Variants in SS18 observed in about 807,000 individuals in gnomAD.
The protein encoded by SS18 is protein SSXT.
Under a neutral mutation model 72.5 loss-of-function variants are expected in SS18, and 28 were observed. The observed-to-expected ratio is 0.39, with a 90% CI of 0.29 to 0.53. The LOEUF (loss-of-function observed/expected upper bound fraction) is 0.53, where lower values mean the gene tolerates loss of function less well. SS18 is among the 20% of genes least tolerant of loss of function. SS18 has a pLI of 0.76. For missense variants in SS18, 518 were observed against 535.3 expected, an observed-to-expected ratio of 0.97 and a Z score of 0.32; for synonymous variants, 172 against 164.2, an observed-to-expected ratio of 1.05 and a Z score of -0.37.
intron 5 of SS18, among the ~76,000 whole-genome samples, chr18:26,043,250 C>T (rs1386436614): frequency 6.6e-6 from 1 of 152,054 alleles, no homozygotes; most frequent in Non-Finnish European, 1.5e-5. Context: ...ACTATGTGTA[C>T]TTCCTCTCCA....
At chr18:26,074,766 T>A (rs923805143) in intron 3 of SS18, among the ~76,000 whole-genome samples, 2 of 151,904 alleles carry the variant, frequency 1.3e-5, no homozygotes, top group African/African-American at 4.8e-5. Context: ...ACCAAAAGGT[T>A]TGAAAAATGC....
chr18:26,090,670 C>T (rs548944550), upstream of SS18: 11 of 1,246,820 alleles, frequency 8.8e-6, no homozygotes, highest in African/African-American at 1.0e-4. Context: ...CTCGGGAATG[C>T]GGGGAGGGGG....
At chr18:26,034,938 C>A in intron 9 of SS18, 67 bp downstream of exon 9, 1 of 1,535,236 alleles carries the variant, frequency 6.5e-7, no homozygotes, top group Non-Finnish European at 8.8e-7. Flanking sequence ...ATTAAATATC[C>A]ACTTCCATAT....
chr18:26,056,396 T>C (rs929543001), intron 4 of SS18, among the ~76,000 whole-genome samples: 1 of 152,244 alleles, frequency 6.6e-6, no homozygotes, highest in South Asian at 2.1e-4. Flanking sequence ...AAGCTTTCTC[T>C]TGACTACAAT....
At chr18:26,073,286 T>C (rs2054348949) in intron 3 of SS18, among the ~76,000 whole-genome samples, 1 of 152,174 alleles carries the variant, frequency 6.6e-6, no homozygotes, top group South Asian at 2.1e-4. Context: ...AATATGAATA[T>C]ACTACATATC....
intron 10 of SS18, 122 bp downstream of exon 10, chr18:26,032,277 C>A: frequency 8.8e-7 from 1 of 1,141,208 alleles, no homozygotes; most frequent in Non-Finnish European, 1.3e-6. Context: ...AACAAATGTA[C>A]CATAAACATT....
intron 5 of SS18, among the ~76,000 whole-genome samples, chr18:26,042,371 T>A (rs1236087801): frequency 6.6e-6 from 1 of 152,200 alleles, no homozygotes; most frequent in Non-Finnish European, 1.5e-5. Flanking sequence ...CAAAGCGTGA[T>A]AATACATATG....
chr18:26,019,054 C>T (rs1359116161), intron 10 of SS18, among the ~76,000 whole-genome samples: 1 of 152,006 alleles, frequency 6.6e-6, no homozygotes, highest in African/African-American at 2.4e-5. Context: ...GGAATATAGA[C>T]AAAAGGGACA....
chr18:26,046,877 T>C (rs2143940437), intron 5 of SS18, among the ~76,000 whole-genome samples: 1 of 152,358 alleles, frequency 6.6e-6, no homozygotes, highest in East Asian at 1.9e-4. Flanking sequence ...TCACTTATCA[T>C]GACAGGCATC....
chr18:26,048,889 AGCTTGATGATTAGCC>A (rs938487605), intron 5 of SS18, among the ~76,000 whole-genome samples: 8 of 152,258 alleles, frequency 5.3e-5, no homozygotes, highest in African/African-American at 1.9e-4. Flanking sequence ...TTTTTAAAAA[AGCTTGATGATTAGCC>A]AACTGATTTT....
intron 3 of SS18, among the ~76,000 whole-genome samples, chr18:26,077,537 T>C (rs2054438533): frequency 6.6e-6 from 1 of 152,130 alleles, no homozygotes; most frequent in Admixed American, 6.5e-5. Flanking sequence ...GTGTACCTTG[T>C]TTGGATTCTG....
chr18:26,046,448 G>A (rs556446695), intron 5 of SS18, among the ~76,000 whole-genome samples: 1 of 152,170 alleles, frequency 6.6e-6, no homozygotes, highest in African/African-American at 2.4e-5. Context: ...ATATTTCCAA[G>A]AATTTCTTTA....
At position 26,072,354 on chromosome 18, in the gene SS18, T is replaced by TA. The variant is rs11339746; in HGVS notation, c.231+5721dup. On this transcript the variant is annotated intron_variant, in intron 3 of 10. Coordinates refer to ENST00000415083, the MANE Select transcript of SS18 (RefSeq NM_001007559.3). ...CAGCACTTTGATTGCTAGACTGAGT[T>TA]AAAAAAAAAAAAAAAAATCTACATC... 1.7e-3 allele frequency among the ~76,000 whole-genome samples: 233 copies of TA among 136,926 alleles called. 1 individual carries two copies. Among genetic ancestry groups the TA allele is most frequent in the East Asian group, 0.01 (49 of 4,768 alleles). The allele number at this position is 136,926 out of a possible 152,430, so 89.8% of individuals were successfully genotyped here.
At chr18:26,069,882 ATAAAT>A (rs2054283973) in intron 3 of SS18, among the ~76,000 whole-genome samples, 1 of 152,264 alleles carries the variant, frequency 6.6e-6, no homozygotes, top group East Asian at 1.9e-4. Context: ...ATGATAAAAA[ATAAAT>A]TAACAGTAAC....
intron 3 of SS18, chr18:26,068,417 T>C (rs1404539452): frequency 6.6e-6 from 1 of 152,218 alleles, no homozygotes; most frequent in Non-Finnish European, 1.5e-5. Flanking sequence ...GTATGGCTTT[T>C]TGTAGTCCTT....
chr18:26,083,438 G>C (rs2054564203), intron 2 of SS18, among the ~76,000 whole-genome samples: 1 of 152,080 alleles, frequency 6.6e-6, no homozygotes, highest in African/African-American at 2.4e-5. Context: ...TAAATGTGTT[G>C]TTAGGTGATT....
intron 3 of SS18, among the ~76,000 whole-genome samples, chr18:26,065,188 A>T (rs955880316): frequency 7.2e-5 from 11 of 152,176 alleles, no homozygotes; most frequent in African/African-American, 2.7e-4. Context: ...TGCAATCCCA[A>T]TAAAAATTCC....
chr18:26,089,568 C>T lies in SS18; in HGVS notation c.69+933G>A, dbSNP rs184729190. 3.0e-3 allele frequency among the ~76,000 whole-genome samples: 453 copies of T among 152,318 alleles called. 2 individuals carry two copies. Among genetic ancestry groups the T allele is most frequent in the Non-Finnish European group, 4.9e-3 (334 of 68,026 alleles). On this transcript the variant is annotated intron_variant, in intron 1 of 10. Coordinates refer to ENST00000415083, the MANE Select transcript of SS18 (RefSeq NM_001007559.3). ...ACAAAACAAAAATATTTAAAGTAAA[C>T]TGCTAAATACAGCAGCAACTTCTGA...
In SS18 at chr18:26,057,637, C is replaced by T. The variant is rs753665709; in HGVS notation, c.337G>A (p.Gly113Ser). Reference protein sequence around the residue: ...NMPSDGMVGGGPPAPHMQNQM... With the variant: ...NMPSDGMVGGSPPAPHMQNQM... ...TTCTGCATGTGCGGTGCAGGAGGAC[C>T]CCCACCTACCATTCCATCTGAAGGC... The change falls in exon 4 of 11, where the codon GGT (glycine) becomes AGT (serine). Residue 113 changes from glycine to serine, a missense_variant. Gly to Ser is a moderately conservative substitution (Grantham distance 56, BLOSUM62 0). Transcript: ENST00000415083. 6.2e-7 allele frequency: 1 copy of T among 1,614,046 alleles called. No homozygotes were observed. Among genetic ancestry groups the T allele is most frequent in the South Asian group, 1.1e-5 (1 of 91,066 alleles).
Sources: allele counts gnomAD v4.1 joint callset (sites outside exome capture counted in the v4.1 genomes callset), GRCh38; gene constraint gnomAD v4.1.1; transcripts MANE v1.5; gene names NCBI Gene and HGNC (gene_info 2026-07-23, HGNC 2026-07-21).